DNM3: variants seen among roughly 807,000 people sequenced by gnomAD.
The protein encoded by DNM3 is dynamin 3.
Under a neutral mutation model 101.6 loss-of-function variants are expected in DNM3, and 47 were observed. The observed-to-expected ratio is 0.46, with a 90% CI of 0.37 to 0.59. The LOEUF is 0.59. DNM3 is among the 20% of genes least tolerant of loss of function. The probability of loss-of-function intolerance (pLI) is 0.00; values close to 1 mark genes in which losing one functional copy is unlikely to be tolerated. For missense variants in DNM3, 849 were observed against 1,085.7 expected, an observed-to-expected ratio of 0.78 and a Z score of 3.06; for synonymous variants, 385 against 387.9, an observed-to-expected ratio of 0.99 and a Z score of 0.09.
chr1:171,951,764 G>T (rs1313133786), intron 2 of DNM3, among the ~76,000 whole-genome samples: 1 of 152,084 alleles, frequency 6.6e-6, no homozygotes, highest in Non-Finnish European at 1.5e-5. Context: ...CATTTCAAAA[G>T]GTTTATTATG....
chr1:172,259,711 T>G (rs2062563263), intron 15 of DNM3, among the ~76,000 whole-genome samples: 1 of 152,140 alleles, frequency 6.6e-6, no homozygotes, highest in Non-Finnish European at 1.5e-5. Flanking sequence ...TCTATATTTT[T>G]TAAGTGCAAA....
intron 16 of DNM3, among the ~76,000 whole-genome samples, chr1:172,318,541 T>C (rs1215125013): frequency 6.6e-6 from 1 of 152,208 alleles, no homozygotes; most frequent in Non-Finnish European, 1.5e-5. Flanking sequence ...CAGCAAAGTC[T>C]CAGGATATAC....
intron 1 of DNM3, among the ~76,000 whole-genome samples, chr1:171,918,331 A>G (rs906350481): frequency 6.6e-6 from 1 of 152,236 alleles, no homozygotes; most frequent in Admixed American, 6.5e-5. Context: ...TAAAAGAAAT[A>G]GGTTCGGAGA....
intron 10 of DNM3, among the ~76,000 whole-genome samples, chr1:172,053,537 T>G (rs879795697): frequency 2.0e-5 from 3 of 152,062 alleles, no homozygotes; most frequent in Admixed American, 6.6e-5. Flanking sequence ...GATTGTAAGC[T>G]CCTTTGAAAA....
At chr1:172,198,444 A>G (rs1051823900) in intron 14 of DNM3, among the ~76,000 whole-genome samples, 1 of 151,996 alleles carries the variant, frequency 6.6e-6, no homozygotes, top group Non-Finnish European at 1.5e-5. Flanking sequence ...TAAGTTGGGG[A>G]GGAGCCTCTC....
At chr1:172,094,034 A>G (rs2054089094) in intron 13 of DNM3, among the ~76,000 whole-genome samples, 1 of 152,212 alleles carries the variant, frequency 6.6e-6, no homozygotes, top group Non-Finnish European at 1.5e-5. Context: ...AATAATTAAA[A>G]TCATTAATGA....
intron 10 of DNM3, among the ~76,000 whole-genome samples, chr1:172,053,411 C>G (rs1040314451): frequency 1.3e-5 from 2 of 152,144 alleles, no homozygotes; most frequent in African/African-American, 4.8e-5. Flanking sequence ...CCTGGTCTCT[C>G]TCCCAACTCC....
chr1:171,957,934 T>C (rs974492975), intron 2 of DNM3, among the ~76,000 whole-genome samples: 10 of 152,186 alleles, frequency 6.6e-5, no homozygotes, highest in African/African-American at 2.4e-4. Context: ...TCCCACATCT[T>C]CAGGTATCTT....
At chr1:172,118,205 A>G (rs1364971630) in intron 13 of DNM3, among the ~76,000 whole-genome samples, 2 of 152,194 alleles carry the variant, frequency 1.3e-5, no homozygotes, top group East Asian at 1.9e-4. Flanking sequence ...TCCCTAGAAC[A>G]TTAGTATTTA....
chr1:172,368,499 C>T (rs2068146353), intron 17 of DNM3, among the ~76,000 whole-genome samples: 1 of 151,626 alleles, frequency 6.6e-6, no homozygotes, highest in Non-Finnish European at 1.5e-5. Flanking sequence ...AAGTTTATAG[C>T]AATAAACACC....
intron 14 of DNM3, among the ~76,000 whole-genome samples, chr1:172,242,169 A>G (rs919704841): frequency 3.9e-5 from 6 of 152,126 alleles, no homozygotes; most frequent in Middle Eastern, 3.2e-3. Flanking sequence ...AGAAGAGTTC[A>G]CTATCTTTCC....
intron 2 of DNM3, among the ~76,000 whole-genome samples, chr1:171,967,589 G>A (rs780117235): frequency 6.6e-6 from 1 of 152,060 alleles, no homozygotes; most frequent in East Asian, 1.9e-4. Context: ...TTAAGAGCAC[G>A]CTCCCTAGAA....
At chr1:171,877,936 G>T (rs1040410860) in intron 1 of DNM3, among the ~76,000 whole-genome samples, 3 of 152,174 alleles carry the variant, frequency 2.0e-5, no homozygotes, top group Non-Finnish European at 2.9e-5. Flanking sequence ...GTGTTCCTTT[G>T]TGAAGATCTG....
chr1:172,032,526 C>CTTTTTT lies in DNM3; in HGVS notation c.688+50_688+55dup, dbSNP rs750270768. 33 of 360,792 alleles carry CTTTTTT rather than the reference C, an allele frequency of 9.1e-5. 1 individual carries two copies. Among genetic ancestry groups the CTTTTTT allele is most frequent in the Non-Finnish European group, 1.1e-4 (25 of 224,426 alleles). 22.3% of individuals were successfully genotyped at this position (360,792 alleles called of 1,614,324 possible). A position where few individuals can be genotyped will look rare whatever the true frequency, so the allele number is the denominator to read the frequency against. The stretch of plus-strand genomic sequence containing the variant: ...GTAATGTACTGTGGTCTATACAAGA[C>CTTTTTT]TTTTTTTTTTTTTTTTTTTTTTTTT... On this transcript the variant is annotated intron_variant, in intron 5 of 20. Transcript: ENST00000627582.
At chr1:172,009,271 C>T (rs1320221061) in intron 4 of DNM3, among the ~76,000 whole-genome samples, 1 of 148,846 alleles carries the variant, frequency 6.7e-6, no homozygotes, top group Non-Finnish European at 1.5e-5. Context: ...AATGTACTAT[C>T]TTAATTACCA....
intron 2 of DNM3, among the ~76,000 whole-genome samples, chr1:171,982,654 G>A (rs1463808615): frequency 1.4e-5 from 1 of 70,760 alleles, no homozygotes; most frequent in African/African-American, 4.8e-5. Flanking sequence ...TTGCATGCAT[G>A]TGTGTGTTTG....
intron 1 of DNM3, among the ~76,000 whole-genome samples, chr1:171,893,077 C>G (rs1277907334): frequency 6.7e-6 from 1 of 149,868 alleles, no homozygotes; most frequent in Admixed American, 6.6e-5. Flanking sequence ...GCAGACTCCA[C>G]TCATTTCCAA....
chr1:172,305,686 C>T (rs778128889), intron 15 of DNM3, among the ~76,000 whole-genome samples: 3 of 152,130 alleles, frequency 2.0e-5, no homozygotes, highest in East Asian at 1.9e-4. Context: ...TTATTCACCA[C>T]GATCAAGTTG....
Position 172,408,292 on chromosome 1 carries a change from T to A in DNM3, c.*451T>A, listed in dbSNP as rs2071031882. ...TTCTGTTGTCTACCATTAATGCTAC[T>A]ACCTACTCCATAATTGCCTATTTAG... is the stretch of plus-strand genomic sequence containing the variant. On this transcript the variant is annotated 3_prime_UTR_variant, in exon 21 of 21. Transcript: ENST00000627582. 1 of 988,016 alleles carries A rather than the reference T, an allele frequency of 1.0e-6. No individual in the cohort carries two copies. Among genetic ancestry groups the A allele is most frequent in the African/African-American group, 1.7e-5 (1 of 57,280 alleles). 61.2% of individuals were successfully genotyped at this position (988,016 alleles called of 1,614,324 possible).
Sources: allele counts gnomAD v4.1 joint callset (sites outside exome capture counted in the v4.1 genomes callset), GRCh38; gene constraint gnomAD v4.1.1; transcripts MANE v1.5; gene names NCBI Gene and HGNC (gene_info 2026-07-23, HGNC 2026-07-21).